The following MAGI2 variants were observed in gnomAD, a reference collection of about 807,000 sequenced individuals.
MAGI2 encodes membrane associated guanylate kinase, WW and PDZ domain containing 2.
Under a neutral mutation model 133.3 loss-of-function variants are expected in MAGI2, and 35 were observed. The ratio of observed to expected loss-of-function variants is 0.26; its 90% confidence interval spans 0.20 to 0.35. MAGI2 has a LOEUF of 0.35. Among genes scored for constraint, MAGI2 ranks in the 10% least tolerant of loss-of-function variants. The pLI is 1.00. For synonymous variants in MAGI2, 729 were observed against 710.6 expected (o/e 1.03, Z -0.41); for missense variants, 1,636 against 1,863.4 (o/e 0.88, Z 2.25).
At chr7:79,241,938 C>T (rs1401206509) in intron 1 of MAGI2, among the ~76,000 whole-genome samples, 1 of 152,098 alleles carries the variant, frequency 6.6e-6, no homozygotes, top group Non-Finnish European at 1.5e-5. Flanking sequence ...ATTTAATTCC[C>T]CAACGAATCA....
intron 1 of MAGI2, among the ~76,000 whole-genome samples, chr7:79,056,817 A>C (rs1813187665): frequency 6.6e-6 from 1 of 152,350 alleles, no homozygotes; most frequent in South Asian, 2.1e-4. Context: ...TCACTAAAAT[A>C]CTGCATGCAA....
intron 6 of MAGI2, among the ~76,000 whole-genome samples, chr7:78,464,430 C>G (rs1461545126): frequency 6.6e-6 from 1 of 152,082 alleles, no homozygotes; most frequent in Non-Finnish European, 1.5e-5. Context: ...GCTTGTCTGG[C>G]TTTTGTGTCA....
At chr7:78,274,204 A>G (rs549560765) in intron 9 of MAGI2, among the ~76,000 whole-genome samples, 96 of 152,268 alleles carry the variant, frequency 6.3e-4, no homozygotes, top group African/African-American at 2.0e-3. Context: ...CCTCTGCTGC[A>G]GGTCTCCTGG....
intron 1 of MAGI2, among the ~76,000 whole-genome samples, chr7:79,071,285 A>G (rs1814935727): frequency 6.6e-6 from 1 of 152,196 alleles, no homozygotes. Context: ...AGGCTGCAGA[A>G]CAGCAAAGAT....
intron 20 of MAGI2, among the ~76,000 whole-genome samples, chr7:78,100,242 A>T (rs1818088587): frequency 6.6e-6 from 1 of 152,138 alleles, no homozygotes; most frequent in African/African-American, 2.4e-5. Flanking sequence ...CTCCTACTTG[A>T]CATGTCAGGA....
chr7:78,551,867 C>T (rs139969609), intron 3 of MAGI2, among the ~76,000 whole-genome samples: 1,959 of 152,168 alleles, frequency 0.013, 21 homozygotes, highest in African/African-American at 0.035. Context: ...ATCTCAGCCT[C>T]CTGAGTAGTT....
At chr7:79,402,045 G>A (rs975702122) in intron 1 of MAGI2, among the ~76,000 whole-genome samples, 10 of 152,116 alleles carry the variant, frequency 6.6e-5, no homozygotes, top group Non-Finnish European at 1.0e-4. Context: ...AGACATGGCT[G>A]TGTCAAAATT....
At chr7:78,818,229 C>A (rs1308236695) in intron 2 of MAGI2, among the ~76,000 whole-genome samples, 1 of 152,050 alleles carries the variant, frequency 6.6e-6, no homozygotes, top group East Asian at 1.9e-4. Flanking sequence ...GTTTTAAGTA[C>A]CTTATATATA....
At chr7:78,914,541 CA>C (rs1798642558) in intron 2 of MAGI2, among the ~76,000 whole-genome samples, 1 of 152,062 alleles carries the variant, frequency 6.6e-6, no homozygotes, top group Non-Finnish European at 1.5e-5. Flanking sequence ...AATGGTTTTT[CA>C]TTTCACATAT....
Position 78,333,955 on chromosome 7 carries a change from T to C in MAGI2, c.1408+9823A>G, listed in dbSNP as rs965878973. 1.3e-4 allele frequency among the ~76,000 whole-genome samples: 20 copies of C among 152,130 alleles called. 1 individual carries two copies. The highest frequency in any genetic ancestry group is 3.6e-4 in the African/African-American group (15 of 41,424). On this transcript the variant is annotated intron_variant, in intron 9 of 21. Transcript: ENST00000354212. Reference sequence around the variant, plus strand: ...AGCAATAGAAAACTAAACAGGTACTTCAAAAGAGTAGAAAAATTACATTTC... The same window carrying C: ...AGCAATAGAAAACTAAACAGGTACTCCAAAAGAGTAGAAAAATTACATTTC...
chr7:78,699,439 G>T (rs1261662213), intron 2 of MAGI2, among the ~76,000 whole-genome samples: 1 of 152,098 alleles, frequency 6.6e-6, no homozygotes, highest in Non-Finnish European at 1.5e-5. Flanking sequence ...TTAAAATATT[G>T]TATGAAATTA....
Position 78,523,383 on chromosome 7 carries a change from G to T in MAGI2, c.539-1738C>A, listed in dbSNP as rs201525593. Among the ~76,000 whole-genome samples, 35 of 152,204 alleles carry T rather than the reference G, an allele frequency of 2.3e-4. No individual in the cohort carries two copies. In the East Asian group the frequency reaches 6.6e-3, roughly 29 times the overall value. On this transcript the variant is annotated intron_variant, in intron 3 of 21. Transcript: ENST00000354212. ...AGTCCCATCTATTCTGGAGTCTGAGGCAGGAGAATGGCGTGAACCTGGGAG... is the reference window on the plus strand; with the variant it reads ...AGTCCCATCTATTCTGGAGTCTGAGTCAGGAGAATGGCGTGAACCTGGGAG...
intron 3 of MAGI2, among the ~76,000 whole-genome samples, chr7:78,551,437 T>C (rs1290296396): frequency 6.6e-6 from 1 of 152,234 alleles, no homozygotes; most frequent in Non-Finnish European, 1.5e-5. Flanking sequence ...TCAAGCCAGA[T>C]GTCTTGCTTT....
intron 9 of MAGI2, chr7:78,285,804 C>T (rs756806711): frequency 6.6e-6 from 1 of 152,060 alleles, no homozygotes; most frequent in African/African-American, 2.4e-5. Context: ...GCCAATGCTG[C>T]CGGTTCATGG....
At chr7:78,889,411 C>A (rs1796550225) in intron 2 of MAGI2, among the ~76,000 whole-genome samples, 1 of 152,074 alleles carries the variant, frequency 6.6e-6, no homozygotes, top group Admixed American at 6.6e-5. Flanking sequence ...AAGAGCAACT[C>A]CAAGACACAT....
chr7:78,069,369 T>A (rs763806020), intron 21 of MAGI2, among the ~76,000 whole-genome samples: 3 of 152,142 alleles, frequency 2.0e-5, no homozygotes, highest in Non-Finnish European at 4.4e-5. Context: ...TGGACTGAAC[T>A]GACTCAGTCA....
chr7:78,234,904 C>T (rs1790367950), intron 10 of MAGI2, among the ~76,000 whole-genome samples: 1 of 152,102 alleles, frequency 6.6e-6, no homozygotes, highest in Non-Finnish European at 1.5e-5. Context: ...ACATTTTTGA[C>T]ATGACAAGCA....
chr7:78,969,071 T>C (rs1256137515), intron 2 of MAGI2, among the ~76,000 whole-genome samples: 3 of 152,084 alleles, frequency 2.0e-5, no homozygotes, highest in Non-Finnish European at 4.4e-5. Context: ...GGAAGCCAGG[T>C]ACATTCAATA....
chr7:78,668,635 A>G (rs867811043), intron 2 of MAGI2, among the ~76,000 whole-genome samples: 92 of 152,172 alleles, frequency 6.0e-4, no homozygotes, highest in African/African-American at 2.2e-3. Context: ...TCCCAGCACC[A>G]TTTATTAAAT....
Sources: allele counts gnomAD v4.1 joint callset (sites outside exome capture counted in the v4.1 genomes callset), GRCh38; gene constraint gnomAD v4.1.1; transcripts MANE v1.5; gene names NCBI Gene and HGNC (gene_info 2026-07-23, HGNC 2026-07-21).